Variants in POF1B observed in about 807,000 individuals in gnomAD.
The protein encoded by POF1B is POF1B actin binding protein, also known as protein POF1B.
A neutral mutation model predicts 55.3 loss-of-function variants in POF1B; 53 were observed. The observed-to-expected ratio is 0.96, with a 90% CI of 0.77 to 1.20. The LOEUF (loss-of-function observed/expected upper bound fraction) is 1.20. Among genes scored for constraint, POF1B ranks in the 50% most tolerant of loss-of-function variants. The pLI is 0.00. For synonymous variants in POF1B, 188 were observed against 148.3 expected (o/e 1.27, Z -1.95); for missense variants, 478 against 420.5 (o/e 1.14, Z -1.20).
At chrX:85,316,297 A>T (rs1232728971) in intron 7 of POF1B, among the ~76,000 whole-genome samples, 1 of 111,874 alleles carries the variant, frequency 8.9e-6, no homozygotes, top group African/African-American at 3.2e-5. Flanking sequence ...GGGACAAAGC[A>T]TTAAGCAAAA....
At chrX:85,372,020 T>G (rs1050392671) in intron 2 of POF1B, among the ~76,000 whole-genome samples, 1 of 111,807 alleles carries the variant, frequency 8.9e-6, no homozygotes, top group African/African-American at 3.2e-5. Flanking sequence ...AACATTATAC[T>G]TTATTGGCAA....
chrX:85,316,941 G>A (rs979378977), intron 7 of POF1B, among the ~76,000 whole-genome samples: 1 of 110,307 alleles, frequency 9.1e-6, no homozygotes, highest in East Asian at 2.9e-4. Context: ...TGTACTCAAT[G>A]TTTAGCTCCC....
At chrX:85,326,207 T>C (rs1932894748) in intron 7 of POF1B, among the ~76,000 whole-genome samples, 1 of 111,586 alleles carries the variant, frequency 9.0e-6, no homozygotes, top group African/African-American at 3.3e-5. Flanking sequence ...GGCTGCAACA[T>C]GGAGATTGCA....
intron 15 of POF1B, among the ~76,000 whole-genome samples, chrX:85,299,654 G>C (rs1376051443): frequency 1.0e-5 from 1 of 100,037 alleles, no homozygotes; most frequent in Non-Finnish European, 2.0e-5. Flanking sequence ...ACAGGTGCCC[G>C]CCACCACGCC....
chrX:85,330,874 C>A, intron 7 of POF1B, 75 bp downstream of exon 7: 1 of 992,490 alleles, frequency 1.0e-6, no homozygotes, highest in Non-Finnish European at 1.3e-6. Flanking sequence ...AAACTGAAGT[C>A]TATTTTTAAA....
chrX:85,306,018 G>T (rs1603033263), intron 12 of POF1B, 108 bp from the exon 13 acceptor site: 1 of 1,000,055 alleles, frequency 1.0e-6, no homozygotes, highest in Non-Finnish European at 1.4e-6. Flanking sequence ...ATAAGACATT[G>T]AAATAATGAA....
intron 15 of POF1B, among the ~76,000 whole-genome samples, chrX:85,299,803 C>T (rs1428271472): frequency 8.9e-6 from 1 of 112,316 alleles, no homozygotes; most frequent in Admixed American, 9.4e-5. Context: ...CCACCGCGCC[C>T]GACCCTTAAA....
At chrX:85,333,965 G>A (rs1387493407) in intron 6 of POF1B, among the ~76,000 whole-genome samples, 1 of 100,483 alleles carries the variant, frequency 1.0e-5, no homozygotes, top group Non-Finnish European at 2.0e-5. Context: ...AGGGGGGAGG[G>A]CTGAGGGAAT....
In POF1B at chrX:85,318,028, A is replaced by G. The variant is rs1271701571; in HGVS notation, c.855-2294T>C. 1.5e-4 allele frequency among the ~76,000 whole-genome samples: 17 copies of G among 111,470 alleles called. No homozygotes were observed. The Admixed American group carries it at 1.6e-3, about 11-fold the overall frequency. On this transcript the variant is annotated intron_variant, in intron 7 of 16. Transcript: ENST00000262753. ...AGTGGGAGCTAAATGATGAGAACATATGGACACATAGAGGGGGAACAACAC... is the reference window on the plus strand; with the variant it reads ...AGTGGGAGCTAAATGATGAGAACATGTGGACACATAGAGGGGGAACAACAC...
Position 85,277,554 on chromosome X carries a change from A to AG in POF1B, c.*1866dup, listed in dbSNP as rs1198461217. 1 of 110,618 alleles carries AG rather than the reference A, an allele frequency of 9.0e-6. No homozygotes were observed. Among genetic ancestry groups the AG allele is most frequent in the African/African-American group, 3.3e-5 (1 of 30,570 alleles). The allele number at this position is 110,618 out of a possible 1,213,427, so 9.1% of individuals were successfully genotyped here. On this transcript the variant is annotated 3_prime_UTR_variant, in exon 17 of 17. Transcript: ENST00000262753. The stretch of plus-strand genomic sequence containing the variant: ...AACTACATAGTTTTTGTACACATTA[A>AG]GCATCCCCAGTTCCCCTCGCACACC...
intron 3 of POF1B, among the ~76,000 whole-genome samples, chrX:85,361,639 C>T (rs943881547): frequency 1.8e-5 from 2 of 111,150 alleles, no homozygotes; most frequent in Admixed American, 9.6e-5. Context: ...AGTTGGGTAG[C>T]GTGATGTCTC....
At chrX:85,330,852 G>T (rs1932966558) in intron 7 of POF1B, 97 bp downstream of exon 7, 6 of 836,107 alleles carry the variant, frequency 7.2e-6, no homozygotes, top group Non-Finnish European at 6.4e-6. Flanking sequence ...TAGAGTTTTT[G>T]CTGTGAACCT....
chrX:85,311,441 G>T (rs780058149), intron 9 of POF1B, among the ~76,000 whole-genome samples: 6 of 110,250 alleles, frequency 5.4e-5, no homozygotes, highest in African/African-American at 2.0e-4. Context: ...GAGAACATGA[G>T]GTGTGTGGTT....
intron 4 of POF1B, among the ~76,000 whole-genome samples, chrX:85,355,511 G>A (rs1470539115): frequency 1.8e-5 from 2 of 111,557 alleles, no homozygotes; most frequent in Non-Finnish European, 3.8e-5. Context: ...TACCATCAGA[G>A]TGAAAAGGCA....
chrX:85,373,142 A>G (rs1933862487), intron 2 of POF1B, among the ~76,000 whole-genome samples: 1 of 111,553 alleles, frequency 9.0e-6, no homozygotes, highest in Admixed American at 9.6e-5. Flanking sequence ...AGTAAGGGTA[A>G]TCATCAAATG....
chrX:85,372,343 CAAAA>C (rs35860898), intron 2 of POF1B, among the ~76,000 whole-genome samples: 4 of 64,468 alleles, frequency 6.2e-5, no homozygotes, highest in Non-Finnish European at 2.8e-5. Context: ...GACTCTGTCT[CAAAA>C]AAAAAAAAAA....
chrX:85,367,595 A>G (rs1281466362), intron 3 of POF1B, 97 bp downstream of exon 3: 28 of 581,650 alleles, frequency 4.8e-5, no homozygotes, highest in Non-Finnish European at 8.4e-6. Context: ...GTGAATGTGT[A>G]AAGTCTTATG....
intron 2 of POF1B, among the ~76,000 whole-genome samples, chrX:85,368,375 C>T (rs1603081411): frequency 9.0e-6 from 1 of 110,922 alleles, no homozygotes; most frequent in East Asian, 2.8e-4. Flanking sequence ...ACATCTTATG[C>T]ACCCCATAAA....
intron 9 of POF1B, among the ~76,000 whole-genome samples, chrX:85,313,683 G>A (rs1164445236): frequency 9.0e-6 from 1 of 111,337 alleles, no homozygotes; most frequent in African/African-American, 3.3e-5. Context: ...GATGATGCTG[G>A]CCTCATAAAA....
Sources: allele counts gnomAD v4.1 joint callset (sites outside exome capture counted in the v4.1 genomes callset), GRCh38; gene constraint gnomAD v4.1.1; transcripts MANE v1.5; gene names NCBI Gene and HGNC (gene_info 2026-07-23, HGNC 2026-07-21).